CDC42BPA: variants seen among roughly 807,000 people sequenced by gnomAD.
CDC42BPA encodes CDC42 binding protein kinase alpha.
Under a neutral mutation model 223.5 loss-of-function variants are expected in CDC42BPA, and 80 were observed. The ratio of observed to expected loss-of-function variants is 0.36; its 90% confidence interval spans 0.30 to 0.43. The LOEUF (loss-of-function observed/expected upper bound fraction) is 0.43, where lower values mean the gene tolerates loss of function less well. Among genes scored for constraint, CDC42BPA ranks in the 20% least tolerant of loss-of-function variants. The pLI, the probability that CDC42BPA is intolerant of heterozygous loss-of-function variation, is 1.00. For synonymous variants in CDC42BPA, 694 were observed against 718.6 expected (o/e 0.97, Z 0.55); for missense variants, 1,743 against 2,099.9 (o/e 0.83, Z 3.32).
In CDC42BPA at chr1:226,994,850, A is replaced by T. The variant is rs777272887; in HGVS notation, c.5106T>A (p.Asp1702Glu). The T allele has an allele frequency of 1.9e-6, 3 of 1,613,362 alleles. No individual in the cohort carries two copies. The highest frequency in any genetic ancestry group is 3.3e-5 in the Admixed American group (2 of 59,914). ...CTCCGTCAAAGTCCCTCGCTGGGGC[A>T]TCACTTCCTTGGTCCATGCCTCCAG... ...LSSGGMDQGS[D>E]APARDFDGED... Residue 1702 changes from aspartate to glutamate, a missense_variant, in exon 36 of 37, where the codon GAT (aspartate) becomes GAA (glutamate). By Grantham distance (45) the Asp-to-Glu change is conservative. Transcript: ENST00000366766. This position sits in a 1 kb window ranked among gnomAD's most constrained non-coding sequence, Gnocchi z 4.0.
At chr1:227,086,341 TAGG>T (rs1418932958) in intron 16 of CDC42BPA, among the ~76,000 whole-genome samples, 2 of 152,246 alleles carry the variant, frequency 1.3e-5, no homozygotes, top group African/African-American at 2.4e-5. Context: ...TTTCAGTAAA[TAGG>T]AGAATTGCCA....
At chr1:227,106,832 T>C (rs1686023348) in intron 14 of CDC42BPA, among the ~76,000 whole-genome samples, 1 of 152,200 alleles carries the variant, frequency 6.6e-6, no homozygotes, top group African/African-American at 2.4e-5. Context: ...CTTTCCCCAT[T>C]GAATGGACTT....
chr1:227,072,153 ATATATT>A, intron 20 of CDC42BPA, 49 bp downstream of exon 20: 1 of 951,632 alleles, frequency 1.1e-6, no homozygotes, highest in Non-Finnish European at 1.6e-6. Flanking sequence ...CTGTAATAAA[ATATATT>A]TATAACATAA....
intron 4 of CDC42BPA, among the ~76,000 whole-genome samples, chr1:227,196,942 A>T (rs1455010086): frequency 6.6e-6 from 1 of 152,198 alleles, no homozygotes; most frequent in Non-Finnish European, 1.5e-5. Context: ...TGATATAACT[A>T]AGCAGCTTTG....
rs1491285386 is a variant in CDC42BPA at position 227,148,771 on chromosome 1, G to GAAAAAAAAAAAAAA, written c.694-1213_694-1212insTTTTTTTTTTTTTT. On this transcript the variant is annotated intron_variant, in intron 6 of 36. Coordinates refer to ENST00000366766, the MANE Select transcript of CDC42BPA (RefSeq NM_001394014.1). ...GACAGAGCAAGACTCGGTCTCAAAA[G>GAAAAAAAAAAAAAA]CAAAAAAAAAAAAAAAAAAAAAAAA... Among the ~76,000 whole-genome samples the GAAAAAAAAAAAAAA allele has an allele frequency of 2.2e-3, 17 of 7,710 alleles. 1 individual carries two copies. The highest frequency in any genetic ancestry group is 5.1e-3 in the South Asian group (1 of 196). The allele number at this position is 7,710 out of a possible 152,430, so 5.1% of individuals were successfully genotyped here.
chr1:227,144,846 A>T (rs780749630), intron 8 of CDC42BPA, among the ~76,000 whole-genome samples: 22 of 151,976 alleles, frequency 1.4e-4, no homozygotes, highest in Non-Finnish European at 2.8e-4. Flanking sequence ...TCTGTGGACT[A>T]TTTTCCCTAT....
intron 2 of CDC42BPA, among the ~76,000 whole-genome samples, chr1:227,245,013 C>T (rs533583969): frequency 4.6e-5 from 7 of 152,294 alleles, no homozygotes; most frequent in South Asian, 2.1e-4. Context: ...CAAGTCAGAA[C>T]GAGTTTCCCA....
intron 16 of CDC42BPA, among the ~76,000 whole-genome samples, chr1:227,090,379 A>G (rs1160409216): frequency 6.6e-6 from 1 of 152,210 alleles, no homozygotes; most frequent in Non-Finnish European, 1.5e-5. Context: ...AAGGTCTTTC[A>G]GTCTGTTATT....
At chr1:227,236,483 C>T (rs1014349540) in intron 2 of CDC42BPA, among the ~76,000 whole-genome samples, 1 of 152,182 alleles carries the variant, frequency 6.6e-6, no homozygotes, top group Non-Finnish European at 1.5e-5. Context: ...CAAGTTCCAT[C>T]TATCAAGTGT....
chr1:227,052,136 C>T (rs943491950), intron 21 of CDC42BPA, among the ~76,000 whole-genome samples, 151 bp from the exon 22 acceptor site: 2 of 152,172 alleles, frequency 1.3e-5, no homozygotes. Context: ...GTTAGGGATA[C>T]ATCATTATAC....
At chr1:227,104,825 G>A (rs1183661953) in intron 14 of CDC42BPA, among the ~76,000 whole-genome samples, 3 of 152,066 alleles carry the variant, frequency 2.0e-5, no homozygotes, top group Non-Finnish European at 4.4e-5. Flanking sequence ...AAGACTGTCA[G>A]CATGCCACCA....
intron 11 of CDC42BPA, among the ~76,000 whole-genome samples, chr1:227,125,686 C>T (rs1263918154): frequency 6.6e-6 from 1 of 150,830 alleles, no homozygotes. Flanking sequence ...TCTCCTCACA[C>T]ATTGTCAGTA....
intron 2 of CDC42BPA, among the ~76,000 whole-genome samples, chr1:227,217,681 T>A (rs1675108428): frequency 6.6e-6 from 1 of 152,098 alleles, no homozygotes; most frequent in South Asian, 2.1e-4. Context: ...GCCAACATGT[T>A]CTGGCCCTCC....
chr1:226,997,201 A>G (rs571084449), intron 35 of CDC42BPA, among the ~76,000 whole-genome samples: 3 of 152,346 alleles, frequency 2.0e-5, no homozygotes, highest in East Asian at 1.9e-4. Flanking sequence ...GTATGTGTCC[A>G]GGAATTTATC....
chr1:227,033,201 G>T, intron 27 of CDC42BPA, 133 bp downstream of exon 27: 1 of 576,408 alleles, frequency 1.7e-6, no homozygotes, highest in Non-Finnish European at 3.1e-6. Flanking sequence ...TTCAAGTACT[G>T]GATGATATGG....
chr1:227,183,112 C>G (rs922026853), intron 5 of CDC42BPA: 3 of 152,196 alleles, frequency 2.0e-5, no homozygotes, highest in African/African-American at 7.2e-5. Flanking sequence ...TCAGTTAATT[C>G]TCCCTAACTG....
intron 1 of CDC42BPA, among the ~76,000 whole-genome samples, chr1:227,277,304 T>C (rs887692462): frequency 2.0e-5 from 3 of 152,078 alleles, no homozygotes; most frequent in Non-Finnish European, 2.9e-5. Flanking sequence ...TCAAGAAAAC[T>C]CCAGAATGAG....
At chr1:226,995,284 G>T (rs1423603932) in intron 35 of CDC42BPA, among the ~76,000 whole-genome samples, 1 of 152,168 alleles carries the variant, frequency 6.6e-6, no homozygotes, top group Non-Finnish European at 1.5e-5. Flanking sequence ...GTCTCCACCT[G>T]CCTGGTGCTG....
intron 1 of CDC42BPA, among the ~76,000 whole-genome samples, chr1:227,311,974 T>C (rs1693620396): frequency 6.6e-6 from 1 of 152,216 alleles, no homozygotes; most frequent in South Asian, 2.1e-4. Context: ...CTGTCTATAT[T>C]TTCACTGTTT....
Sources: gnomAD v4.1 joint callset for allele counts (sites outside exome capture counted in the v4.1 genomes callset) on GRCh38, gnomAD v4.1.1 for gene constraint, Gnocchi (gnomAD v3.1) non-coding constraint, MANE v1.5 for transcripts, NCBI Gene and HGNC (gene_info 2026-07-23, HGNC 2026-07-21) for gene names.